Variants in SCAMP2 observed in about 807,000 individuals in gnomAD.
SCAMP2 encodes secretory carrier membrane protein 2, also known as secretory carrier-associated membrane protein 2.
A neutral mutation model predicts 44.1 loss-of-function variants in SCAMP2; 25 were observed. The ratio of observed to expected loss-of-function variants is 0.57; its 90% CI spans 0.41 to 0.79. The LOEUF is 0.79. Ranked by LOEUF, SCAMP2 falls within the 30% of genes least tolerant of loss-of-function variation. SCAMP2 has a pLI of 0.00. For synonymous variants in SCAMP2, 156 were observed against 166.0 expected (o/e 0.94, Z 0.46); for missense variants, 355 against 411.0 (o/e 0.86, Z 1.18).
intron 7 of SCAMP2, among the ~76,000 whole-genome samples, chr15:74,847,215 C>T (rs149621623): frequency 6.6e-6 from 1 of 151,708 alleles, no homozygotes; most frequent in African/African-American, 2.4e-5. Flanking sequence ...CCTCAGCCTC[C>T]CAAGTAGCTG....
chr15:74,850,738 A>G, intron 5 of SCAMP2, 65 bp from the exon 6 acceptor site: 1 of 1,558,296 alleles, frequency 6.4e-7, no homozygotes, highest in Non-Finnish European at 8.8e-7. Flanking sequence ...CCAATGTGGC[A>G]GCCACTCCCT....
At chr15:74,854,511 T>C in intron 2 of SCAMP2, 70 bp downstream of exon 2, 2 of 1,299,706 alleles carry the variant, frequency 1.5e-6, no homozygotes, top group Non-Finnish European at 2.2e-6. Context: ...TTGCCAAGGA[T>C]CCCTGCCCCG....
chr15:74,873,094 A>G (rs1012549941), intron 1 of SCAMP2, 105 bp downstream of exon 1: 7 of 1,015,498 alleles, frequency 6.9e-6, no homozygotes, highest in Non-Finnish European at 9.5e-6. Flanking sequence ...TGGGCAGATG[A>G]CCCGTCCCTC....
At chr15:74,870,576 CTTCT>C (rs2064568857) in intron 1 of SCAMP2, among the ~76,000 whole-genome samples, 1 of 152,132 alleles carries the variant, frequency 6.6e-6, no homozygotes, top group Non-Finnish European at 1.5e-5. Flanking sequence ...AAATGCAAAT[CTTCT>C]TTCTTTACTC....
At chr15:74,868,331 G>A (rs1431364749) in intron 1 of SCAMP2, among the ~76,000 whole-genome samples, 2 of 152,318 alleles carry the variant, frequency 1.3e-5, no homozygotes, top group East Asian at 1.9e-4. Context: ...CCCACAGTGC[G>A]GGGTGGAAGC....
intron 6 of SCAMP2, 76 bp from the exon 7 acceptor site, chr15:74,848,777 C>A: frequency 9.4e-7 from 1 of 1,060,782 alleles, no homozygotes; most frequent in Non-Finnish European, 1.4e-6. Context: ...GTGTGACATC[C>A]CTCCTCACTA....
chr15:74,869,368 T>G (rs2064561690), intron 1 of SCAMP2, among the ~76,000 whole-genome samples: 2 of 152,170 alleles, frequency 1.3e-5, no homozygotes, highest in Admixed American at 1.3e-4. Context: ...AAGATCTGTA[T>G]TATTCCATCC....
At chr15:74,851,757 C>A in intron 4 of SCAMP2, 1 of 482,160 alleles carries the variant, frequency 2.1e-6, no homozygotes, top group Non-Finnish European at 3.7e-6. Flanking sequence ...TAACAAGCAG[C>A]CCATAAGTGT....
At chr15:74,870,028 T>C (rs760099116) in intron 1 of SCAMP2, among the ~76,000 whole-genome samples, 3 of 152,134 alleles carry the variant, frequency 2.0e-5, no homozygotes, top group Non-Finnish European at 4.4e-5. Context: ...TCCAAAGCTG[T>C]TTCTCCCCAC....
intron 1 of SCAMP2, among the ~76,000 whole-genome samples, chr15:74,855,845 T>A (rs1318616287): frequency 6.6e-6 from 1 of 151,936 alleles, no homozygotes. Flanking sequence ...GAGGTGAAAA[T>A]TCAAGAAAAT....
chr15:74,870,334 C>A (rs993526804), intron 1 of SCAMP2, among the ~76,000 whole-genome samples: 3 of 152,192 alleles, frequency 2.0e-5, no homozygotes, highest in Admixed American at 1.3e-4. Context: ...CCTCTGCTAA[C>A]ACTGGAGCAA....
intron 7 of SCAMP2, among the ~76,000 whole-genome samples, chr15:74,847,618 T>TG (rs1406278752): frequency 1.3e-5 from 2 of 152,188 alleles, no homozygotes; most frequent in Non-Finnish European, 2.9e-5. Context: ...GCTCTGGACT[T>TG]GCCAGCTCTG....
chr15:74,846,599 T>TAAAAATACA (rs2064401498), intron 7 of SCAMP2, among the ~76,000 whole-genome samples: 1 of 151,924 alleles, frequency 6.6e-6, no homozygotes, highest in South Asian at 2.1e-4. Context: ...CCATCTCTAC[T>TAAAAATACA]AAAAATACAA....
At chr15:74,854,770 A>C in intron 1 of SCAMP2, 121 bp from the exon 2 acceptor site, 1 of 825,592 alleles carries the variant, frequency 1.2e-6, no homozygotes, top group South Asian at 1.6e-5. Context: ...GACCCTGAGA[A>C]GCCTCTCTGG....
chr15:74,869,992 C>A (rs1567256750), intron 1 of SCAMP2, among the ~76,000 whole-genome samples: 1 of 152,180 alleles, frequency 6.6e-6, no homozygotes, highest in Admixed American at 6.6e-5. Context: ...GCAGCTCTGA[C>A]CAGGAGAAGG....
chr15:74,854,673 T>C (rs2064456841), intron 1 of SCAMP2, 24 bp from the exon 2 acceptor site: 1 of 1,594,210 alleles, frequency 6.3e-7, no homozygotes, highest in African/African-American at 1.3e-5. Flanking sequence ...AAAAAGCCCT[T>C]AGACACAGTG....
At chr15:74,860,419 T>C (rs928753807) in intron 1 of SCAMP2, among the ~76,000 whole-genome samples, 1 of 147,244 alleles carries the variant, frequency 6.8e-6, no homozygotes, top group Admixed American at 6.8e-5. Context: ...CCAGGCGTGA[T>C]GGCTCACGCC....
chr15:74,873,337 T>C lies in SCAMP2; in HGVS notation c.-82A>G. 5 of 1,173,322 alleles carry C rather than the reference T, an allele frequency of 4.3e-6. No individual in the cohort carries two copies. In the East Asian group the frequency reaches 1.4e-4, roughly 33 times the overall value. The allele number at this position is 1,173,322 out of a possible 1,614,324, so 72.7% of individuals were successfully genotyped here. A position where few individuals can be genotyped will look rare whatever the true frequency, so the allele number is the denominator to read the frequency against. ...ACCCAGCGGCGCTTCGTGTAGACCC[T>C]CCACTTCCGGGAGCGAGGCAGCGGT... On this transcript the variant is annotated 5_prime_UTR_variant, in exon 1 of 9. Coordinates refer to ENST00000268099, the MANE Select transcript of SCAMP2 (RefSeq NM_005697.5).
chr15:74,866,487 G>C (rs1407184868), intron 1 of SCAMP2, among the ~76,000 whole-genome samples: 1 of 152,034 alleles, frequency 6.6e-6, no homozygotes, highest in Non-Finnish European at 1.5e-5. Flanking sequence ...GAGGTGGGTG[G>C]ATCACCTGAG....
Sources: gnomAD v4.1 joint callset for allele counts (sites outside exome capture counted in the v4.1 genomes callset) on GRCh38, gnomAD v4.1.1 for gene constraint, MANE v1.5 for transcripts, NCBI Gene and HGNC (gene_info 2026-07-23, HGNC 2026-07-21) for gene names.